ECEL1: variants seen among roughly 807,000 people sequenced by gnomAD.
ECEL1 encodes endothelin converting enzyme like 1.
Under a neutral mutation model 101.8 loss-of-function variants are expected in ECEL1, and 87 were observed. The observed-to-expected ratio is 0.85, with a 90% CI of 0.72 to 1.02. ECEL1 has a LOEUF of 1.02. Ranked by LOEUF, ECEL1 falls within the 50% of genes least tolerant of loss-of-function variation. The probability of loss-of-function intolerance (pLI) is 0.00; values close to 1 mark genes in which losing one functional copy is unlikely to be tolerated. For synonymous variants in ECEL1, 487 were observed against 468.7 expected, an observed-to-expected ratio of 1.04 and a Z score of -0.50; for missense variants, 1,032 against 1,079.2, an observed-to-expected ratio of 0.96 and a Z score of 0.61.
chr2:232,486,197 T>C lies in ECEL1; in HGVS notation c.457A>G (p.Ile153Val). The C allele has an allele frequency of 6.3e-7, 1 of 1,597,030 alleles. No homozygotes were observed. Among genetic ancestry groups the C allele is most frequent in the Non-Finnish European group, 8.5e-7 (1 of 1,177,018 alleles). Residue 153 changes from isoleucine (I) to valine (V), a missense_variant, in exon 2 of 18, where the codon ATC becomes GTC. Transcript: ENST00000304546. ...DKLTYGTIAAIGEQNEERLRR... is the reference protein window; with the variant it reads ...DKLTYGTIAAVGEQNEERLRR... The stretch of plus-strand genomic sequence containing the variant: ...AGGCGCTCCTCGTTTTGCTCGCCGA[T>C]GGCCGCGATGGTGCCATAGGTGAGC...
chr2:232,484,952 A>G (rs745685705), intron 4 of ECEL1, 29 bp downstream of exon 4: 1 of 1,612,844 alleles, frequency 6.2e-7, no homozygotes, highest in South Asian at 1.1e-5. Flanking sequence ...CCTCAAGCCC[A>G]GGGCAGCCTC....
At chr2:232,480,883 T>C in intron 15 of ECEL1, 70 bp from the exon 16 acceptor site, 1 of 1,475,196 alleles carries the variant, frequency 6.8e-7, no homozygotes. Context: ...CTGTCCTCCA[T>C]CTAGGTAGCC....
intron 13 of ECEL1, 57 bp from the exon 14 acceptor site, chr2:232,481,687 AC>A (rs1252164345): frequency 1.2e-6 from 1 of 857,808 alleles, no homozygotes; most frequent in Non-Finnish European, 1.6e-6. Flanking sequence ...TCCCCTCCCC[AC>A]CCACCAGCCC....
chr2:232,482,751 G>GC, intron 10 of ECEL1, 100 bp downstream of exon 10: 4 of 1,513,650 alleles, frequency 2.6e-6, no homozygotes, highest in East Asian at 4.5e-5. Flanking sequence ...TGGCGTGTGT[G>GC]CCCCCCATAT....
chr2:232,480,575 C>T lies in ECEL1; in HGVS notation c.2152-100G>A, dbSNP rs978230562. On this transcript the variant is annotated intron_variant, in intron 16 of 17. Transcript: ENST00000304546. Reference sequence around the variant, plus strand: ...CACACAAGGCGGTAGGCCCCCTCAGCACCACAGGACCATCACCTCTGACGG... The same window carrying T: ...CACACAAGGCGGTAGGCCCCCTCAGTACCACAGGACCATCACCTCTGACGG... 16 of 1,521,998 alleles carry T rather than the reference C, an allele frequency of 1.1e-5. 1 individual carries two copies. In the African/African-American group the frequency reaches 2.1e-4, roughly 20 times the overall value. The allele number at this position is 1,521,998 out of a possible 1,614,324, so 94.3% of individuals were successfully genotyped here. A position where few individuals can be genotyped will look rare whatever the true frequency, so the allele number is the denominator to read the frequency against.
rs1451218711 is a variant in ECEL1, at chr2:232,486,183, G to C, written c.471C>G (p.Asn157Lys). 6.3e-7 allele frequency: 1 copy of C among 1,593,300 alleles called. No individual in the cohort carries two copies. Among genetic ancestry groups the C allele is most frequent in the East Asian group, 2.3e-5 (1 of 44,154 alleles). ...CCAGCAGGCGCCGTAGGCGCTCCTC[G>C]TTTTGCTCGCCGATGGCCGCGATGG... The part of the protein sequence containing the change: ...YGTIAAIGEQ[N>K]EERLRRLLAR... Residue 157 changes from asparagine to lysine, a missense_variant, in exon 2 of 18, where the codon AAC becomes AAG. By Grantham distance (94) the Asn-to-Lys change is moderately conservative. Transcript: ENST00000304546.
In ECEL1 at chr2:232,485,236, C is replaced by A; in HGVS notation, c.818G>T (p.Arg273Met). ...CTCATCCTGAGCGAGGTACAGGGTC[C>A]TCTCTGGCAGGGTGAGCCCATCCTG... ...IDQDGLTLPE[R>M]TLYLAQDEDS... is the part of the protein sequence containing the mutation. The change falls in exon 3 of 18, where the codon AGG (arginine) becomes ATG (methionine). Residue 273 changes from arginine (R) to methionine (M), a missense_variant. Coordinates refer to ENST00000304546, the MANE Select transcript of ECEL1 (RefSeq NM_004826.4). The A allele has an allele frequency of 6.2e-7, 1 of 1,613,690 alleles. No homozygotes were observed. The highest frequency in any genetic ancestry group is 1.1e-5 in the South Asian group (1 of 91,072).
rs776766366 is a variant in ECEL1 at position 232,485,107 on chromosome 2, G to A, written c.856-16C>T. 7.4e-6 allele frequency: 12 copies of A among 1,611,214 alleles called. No homozygotes were observed. Among genetic ancestry groups the A allele is most frequent in the African/African-American group, 4.0e-5 (3 of 74,894 alleles). On this transcript the variant is annotated splice_polypyrimidine_tract_variant and intron_variant, in intron 3 of 17. Coordinates refer to ENST00000304546, the MANE Select transcript of ECEL1 (RefSeq NM_004826.4). Reference sequence around the variant, plus strand: ...CTGCCAGGATCTGCACCAGGGGAGGGGGCTCACCCAGGGACAGGGACAGGC... The same window carrying A: ...CTGCCAGGATCTGCACCAGGGGAGGAGGCTCACCCAGGGACAGGGACAGGC...
In ECEL1 at chr2:232,480,122, G is replaced by A. The variant is rs569859232; in HGVS notation, c.*31C>T. 1.9e-6 allele frequency: 3 copies of A among 1,605,768 alleles called. No individual in the cohort carries two copies. The highest frequency in any genetic ancestry group is 2.6e-6 in the Non-Finnish European group (3 of 1,173,318). On this transcript the variant is annotated 3_prime_UTR_variant, in exon 18 of 18. Coordinates refer to ENST00000304546, the MANE Select transcript of ECEL1 (RefSeq NM_004826.4). ...CCAGCAGGAGGTGATTCGTGCGGGG[G>A]CAGTGGGGGCGTGCAGGCGGGCAGC...
At position 232,482,480 on chromosome 2, in the gene ECEL1, G is replaced by A. The variant is rs185658924; in HGVS notation, c.1745-11C>T. ...TGCCCGCGGGGAACACTACAAGAAG[G>A]GGGTGCTCAGTGGGAAACCCATCCA... On this transcript the variant is annotated splice_polypyrimidine_tract_variant and intron_variant, in intron 11 of 17. Coordinates refer to ENST00000304546, the MANE Select transcript of ECEL1 (RefSeq NM_004826.4). 9.6e-5 allele frequency: 155 copies of A among 1,613,918 alleles called. 2 individuals are homozygous for A. In the Admixed American group the frequency reaches 1.7e-3, roughly 18 times the overall value.
At position 232,480,049 on chromosome 2, in the gene ECEL1, G is replaced by T; in HGVS notation, c.*104C>A. The T allele has an allele frequency of 1.8e-6, 2 of 1,130,186 alleles. No homozygotes were observed. The highest frequency in any genetic ancestry group is 2.6e-6 in the Non-Finnish European group (2 of 772,690). The allele number at this position is 1,130,186 out of a possible 1,614,324, so 70.0% of individuals were successfully genotyped here. On this transcript the variant is annotated 3_prime_UTR_variant, in exon 18 of 18. Coordinates refer to ENST00000304546, the MANE Select transcript of ECEL1 (RefSeq NM_004826.4). The stretch of plus-strand genomic sequence containing the variant: ...GGGTCCTGGAGGGGCTGGAAGGCAG[G>T]TGGTGCCCAGAGCGGGGCTGGCACC...
chr2:232,485,787 C>A, intron 2 of ECEL1, 81 bp downstream of exon 2: 1 of 1,505,064 alleles, frequency 6.6e-7, no homozygotes, highest in Non-Finnish European at 8.9e-7. Flanking sequence ...GCACCCGCCT[C>A]CCGCGCGCAG....
chr2:232,485,369 T>G, intron 2 of ECEL1, 102 bp from the exon 3 acceptor site: 1 of 1,341,214 alleles, frequency 7.5e-7, no homozygotes, highest in African/African-American at 1.4e-5. Context: ...CAGACATCCA[T>G]GAGTACAGCC....
chr2:232,484,219 G>A lies in ECEL1; in HGVS notation c.1189C>T (p.Leu397=), dbSNP rs754166939. The A allele has an allele frequency of 1.9e-6, 3 of 1,609,186 alleles. No homozygotes were observed. The highest frequency in any genetic ancestry group is 2.5e-6 in the Non-Finnish European group (3 of 1,177,522). Residue 397 remains leucine, a synonymous_variant, in exon 7 of 18, where the codon CTG becomes TTG. Coordinates refer to ENST00000304546, the MANE Select transcript of ECEL1 (RefSeq NM_004826.4). ...QLIRSTPHRV[L]HNYLVWRVVV... Reference sequence around the variant, plus strand: ...ACGCGCCACACCAGGTAGTTGTGCAGGACCCTGGGGACCAGGTGAAGCCAG... The same window carrying A: ...ACGCGCCACACCAGGTAGTTGTGCAAGACCCTGGGGACCAGGTGAAGCCAG...
At chr2:232,481,011 G>A (rs985105653) in intron 15 of ECEL1, 80 bp downstream of exon 15, 1 of 1,516,616 alleles carries the variant, frequency 6.6e-7, no homozygotes, top group Non-Finnish European at 8.9e-7. Context: ...GCAGGGAGAG[G>A]CAGCTCTGTC....
rs115259965 is a variant in ECEL1, at chr2:232,484,744, C to T, written c.1059+57G>A. 1,599 of 1,609,916 alleles carry T rather than the reference C, an allele frequency of 9.9e-4. 19 individuals are homozygous for T. The African/African-American group carries it at 0.018, about 19-fold the overall frequency. On this transcript the variant is annotated intron_variant, in intron 5 of 17. Coordinates refer to ENST00000304546, the MANE Select transcript of ECEL1 (RefSeq NM_004826.4). ...CTCTGGGGAGAGATGACCCTGTAGT[C>T]CCAGCAGCAGCATTGCCCTCAACCC...
rs748226720 is a variant in ECEL1, at chr2:232,482,599, G to A, written c.1695C>T (p.Leu565=). Reference sequence around the variant, plus strand: ...AGTAGGCATTGAGCGCCTGTGGGGGGAGCAGCCACCTGTGGAGGGATGCTG... The same window carrying A: ...AGTAGGCATTGAGCGCCTGTGGGGGAAGCAGCCACCTGTGGAGGGATGCTG... ...RQEVDKSTWL[L]PPQALNAYYL... Residue 565 remains leucine, a synonymous_variant, in exon 11 of 18, where the codon CTC becomes CTT. Transcript: ENST00000304546. The A allele has an allele frequency of 3.7e-6, 6 of 1,612,092 alleles. No individual in the cohort carries two copies. The highest frequency in any genetic ancestry group is 1.1e-5 in the South Asian group (1 of 90,980).
chr2:232,483,224 C>G (rs1226877682), intron 8 of ECEL1, 45 bp from the exon 9 acceptor site: 2 of 1,572,088 alleles, frequency 1.3e-6, no homozygotes, highest in Non-Finnish European at 1.7e-6. Flanking sequence ...CCTCGGGAGA[C>G]AGCCCCCCGC....
chr2:232,481,932 T>G, intron 12 of ECEL1, 83 bp from the exon 13 acceptor site: 1 of 1,584,436 alleles, frequency 6.3e-7, no homozygotes. Flanking sequence ...AGATGTCCCC[T>G]GGCCGGGCCA....
Sources: allele counts gnomAD v4.1 joint callset, GRCh38; gene constraint gnomAD v4.1.1; transcripts MANE v1.5; gene names NCBI Gene and HGNC (gene_info 2026-07-23, HGNC 2026-07-21).